Variants in ODAD2 observed in about 807,000 individuals in gnomAD.
ODAD2 encodes the protein outer dynein arm docking complex subunit 2, also known as outer dynein arm-docking complex subunit 2.
In ODAD2, 89 loss-of-function variants were observed where a neutral mutation model predicts 106.8. The ratio of observed to expected loss-of-function variants is 0.83; its 90% CI spans 0.70 to 0.99. The LOEUF is 0.99. Among genes scored for constraint, ODAD2 ranks in the 50% least tolerant of loss-of-function variants. The pLI, the probability that ODAD2 is intolerant of heterozygous loss-of-function variation, is 0.00. For synonymous variants in ODAD2, 404 were observed against 436.2 expected (o/e 0.93, Z 0.92); for missense variants, 1,168 against 1,238.5 (o/e 0.94, Z 0.85).
Position 27,907,739 on chromosome 10 carries a change from G to T in ODAD2, c.2534C>A (p.Ser845Tyr), listed in dbSNP as rs1212561893. ...GTCTGGGTGAGGATTTTTCAGCAGG[G>T]ACCACAACAAACGAACTCCATCTAA... ...DRLDGVRLLWSLLKNPHPDVK... is the reference protein window; with the variant it reads ...DRLDGVRLLWYLLKNPHPDVK... Residue 845 changes from serine (S) to tyrosine (Y), a missense_variant, in exon 17 of 20, where the codon TCC becomes TAC. Transcript: ENST00000305242. 1 of 1,613,662 alleles carries T rather than the reference G, an allele frequency of 6.2e-7. No individual in the cohort carries two copies. The highest frequency in any genetic ancestry group is 2.2e-5 in the East Asian group (1 of 44,848).
chr10:27,992,247 A>G (rs1486789759), intron 2 of ODAD2, among the ~76,000 whole-genome samples: 1 of 152,246 alleles, frequency 6.6e-6, no homozygotes, highest in Non-Finnish European at 1.5e-5. Flanking sequence ...CATCAAAGAT[A>G]TCAATAACGG....
At chr10:27,952,583 T>C (rs537105189) in intron 10 of ODAD2, among the ~76,000 whole-genome samples, 1 of 152,128 alleles carries the variant, frequency 6.6e-6, no homozygotes. Context: ...GTGTGTGTTG[T>C]TACCCTCCCT....
At chr10:27,971,431 C>T (rs1588637243) in intron 7 of ODAD2, 118 bp from the exon 8 acceptor site, 2 of 824,744 alleles carry the variant, frequency 2.4e-6, no homozygotes, top group South Asian at 3.9e-5. Context: ...AACTTGTGGT[C>T]CTTAGTAACA....
intron 7 of ODAD2, among the ~76,000 whole-genome samples, chr10:27,973,915 CCTTT>C (rs1849022071): frequency 6.6e-6 from 1 of 152,076 alleles, no homozygotes; most frequent in African/African-American, 2.4e-5. Context: ...GTACGTATTC[CCTTT>C]TTTTCTGCAA....
At chr10:27,919,255 T>C (rs1336314349) in intron 16 of ODAD2, among the ~76,000 whole-genome samples, 1 of 152,052 alleles carries the variant, frequency 6.6e-6, no homozygotes, top group Non-Finnish European at 1.5e-5. Flanking sequence ...ACAATTAATT[T>C]TGACCCCCTT....
At chr10:27,922,335 G>A (rs1259262206) in intron 16 of ODAD2, among the ~76,000 whole-genome samples, 3 of 152,010 alleles carry the variant, frequency 2.0e-5, no homozygotes, top group Middle Eastern at 6.8e-3. Context: ...CTAGAGGGAT[G>A]AGCTCCAAAC....
chr10:27,865,193 A>G (rs551210476), intron 17 of ODAD2, among the ~76,000 whole-genome samples: 1 of 152,188 alleles, frequency 6.6e-6, no homozygotes, highest in Admixed American at 6.5e-5. Context: ...CCTCCCCCAC[A>G]TATACCCTGA....
At chr10:27,955,139 T>C (rs149975922) in intron 10 of ODAD2, among the ~76,000 whole-genome samples, 9,425 of 152,306 alleles carry the variant, frequency 0.062, 377 homozygotes, top group East Asian at 0.18. Context: ...TTCTAACTAC[T>C]GGAGTTGATT....
chr10:27,851,841 C>T (rs985189638), intron 19 of ODAD2, among the ~76,000 whole-genome samples: 1 of 152,070 alleles, frequency 6.6e-6, no homozygotes, highest in Non-Finnish European at 1.5e-5. Context: ...AAAGTCCAAG[C>T]ACAAGAAACA....
At chr10:27,966,175 A>G (rs1272464824) in intron 9 of ODAD2, among the ~76,000 whole-genome samples, 1 of 152,206 alleles carries the variant, frequency 6.6e-6, no homozygotes, top group Non-Finnish European at 1.5e-5. Context: ...GTAAAACACT[A>G]TGATTATGCT....
intron 3 of ODAD2, among the ~76,000 whole-genome samples, chr10:27,985,935 A>T (rs1172620874): frequency 1.3e-5 from 2 of 152,146 alleles, no homozygotes; most frequent in African/African-American, 4.8e-5. Flanking sequence ...AAAATGAAGG[A>T]GAAAGTGGAA....
chr10:27,829,677 CCT>C (rs1416795186), intron 19 of ODAD2, among the ~76,000 whole-genome samples: 3 of 152,192 alleles, frequency 2.0e-5, no homozygotes, highest in Admixed American at 2.0e-4. Flanking sequence ...CTAATAATCC[CCT>C]AACATTTTAA....
intron 17 of ODAD2, among the ~76,000 whole-genome samples, chr10:27,887,979 C>G (rs916163236): frequency 2.0e-5 from 3 of 152,012 alleles, no homozygotes; most frequent in Non-Finnish European, 4.4e-5. Flanking sequence ...CCTACCAAGA[C>G]TGAATCATGA....
chr10:27,943,455 C>T (rs1419333939), intron 12 of ODAD2, among the ~76,000 whole-genome samples: 1 of 151,810 alleles, frequency 6.6e-6, no homozygotes, highest in Non-Finnish European at 1.5e-5. Context: ...TGATTTTATA[C>T]AATATTAAAT....
chr10:27,814,335 A>G (rs1384498694), intron 19 of ODAD2, among the ~76,000 whole-genome samples: 3 of 152,178 alleles, frequency 2.0e-5, no homozygotes, highest in Admixed American at 6.5e-5. Flanking sequence ...AGGCCATTTG[A>G]AGTCTCTGGG....
rs1047391551 is a variant in ODAD2, at chr10:27,966,474, T to TC, written c.1238+2448_1238+2449insG. On this transcript the variant is annotated intron_variant, in intron 9 of 19. Transcript: ENST00000305242. Reference sequence around the variant, plus strand: ...AGCAGCGCCCCAAAGAAAAGCTGTCTTTTTTTTTCCAATTGATGAATCCTT... The same window carrying TC: ...AGCAGCGCCCCAAAGAAAAGCTGTCTCTTTTTTTTCCAATTGATGAATCCTT... 1.8e-3 allele frequency among the ~76,000 whole-genome samples: 272 copies of TC among 151,548 alleles called. 1 individual carries two copies. The highest frequency in any genetic ancestry group is 6.3e-3 in the African/African-American group (258 of 41,222).
intron 19 of ODAD2, among the ~76,000 whole-genome samples, chr10:27,819,426 A>G (rs768350560): frequency 3.3e-5 from 5 of 152,142 alleles, no homozygotes; most frequent in Non-Finnish European, 1.5e-5. Context: ...TGTACTCTCT[A>G]TCTTCGAGAG....
At chr10:27,966,534 T>C (rs190771985) in intron 9 of ODAD2, among the ~76,000 whole-genome samples, 4 of 152,302 alleles carry the variant, frequency 2.6e-5, no homozygotes, top group Admixed American at 1.3e-4. Flanking sequence ...TCCTATTTGA[T>C]ATGATTTCTT....
In ODAD2 at chr10:27,863,512, A is replaced by G. The variant is rs11006748; in HGVS notation, c.2611-890T>C. ...TAGGGGGTTACAAGTAAATTTGAGC[A>G]AGTAGGCAAATTCCCAAGGAGAATT... On this transcript the variant is annotated intron_variant, in intron 17 of 19. Transcript: ENST00000305242. Among the ~76,000 whole-genome samples, 683 of 152,328 alleles carry G rather than the reference A, an allele frequency of 4.5e-3. 25 individuals are homozygous for G. The East Asian group carries it at 0.1, about 23-fold the overall frequency.
Sources: allele counts gnomAD v4.1 joint callset (sites outside exome capture counted in the v4.1 genomes callset), GRCh38; gene constraint gnomAD v4.1.1; transcripts MANE v1.5; gene names NCBI Gene and HGNC (gene_info 2026-07-23, HGNC 2026-07-21).